The following PRPSAP2 variants were observed in gnomAD, a reference collection of about 807,000 sequenced individuals.
The protein encoded by PRPSAP2 is phosphoribosyl pyrophosphate synthetase associated protein 2.
A neutral mutation model predicts 40.6 loss-of-function variants in PRPSAP2; 24 were observed. The ratio of observed to expected loss-of-function variants is 0.59; its 90% CI spans 0.43 to 0.83. The LOEUF is 0.83. PRPSAP2 is among the 40% of genes least tolerant of loss of function. The probability of loss-of-function intolerance (pLI) is 0.00; values close to 1 mark genes in which losing one functional copy is unlikely to be tolerated. For missense variants in PRPSAP2, 292 were observed against 465.6 expected, an observed-to-expected ratio of 0.63 and a Z score of 3.43; for synonymous variants, 149 against 164.7, an observed-to-expected ratio of 0.90 and a Z score of 0.73.
At chr17:18,886,682 C>T (rs566654356) in intron 7 of PRPSAP2, among the ~76,000 whole-genome samples, 4 of 152,072 alleles carry the variant, frequency 2.6e-5, no homozygotes, top group Admixed American at 1.3e-4. Context: ...CTTCTGAGGG[C>T]GTCTGACAGT....
rs978952613 is a variant in PRPSAP2 at position 18,908,769 on chromosome 17, T to C, written c.585-2334T>C. On this transcript the variant is annotated intron_variant, in intron 8 of 11. Transcript: ENST00000268835. ...AAGAGATCGGAGAGAAAAGAAAGGATCGGGCAAAAACGATCATGCCAAAAA... is the reference window on the plus strand; with the variant it reads ...AAGAGATCGGAGAGAAAAGAAAGGACCGGGCAAAAACGATCATGCCAAAAA... 3.4e-5 allele frequency: 24 copies of C among 715,504 alleles called. No individual in the cohort carries two copies. In the Admixed American group the frequency reaches 5.1e-4, roughly 15 times the overall value. The allele number at this position is 715,504 out of a possible 1,614,324, so 44.3% of individuals were successfully genotyped here.
intron 7 of PRPSAP2, among the ~76,000 whole-genome samples, chr17:18,887,574 A>G (rs1262452256): frequency 1.3e-5 from 2 of 151,726 alleles, no homozygotes; most frequent in Non-Finnish European, 2.9e-5. Context: ...CATCCCTTCT[A>G]TTTCTTTTAT....
Position 18,889,802 on chromosome 17 carries a change from T to A in PRPSAP2, c.529-20T>A. 1 of 1,600,478 alleles carries A rather than the reference T, an allele frequency of 6.2e-7. No individual in the cohort carries two copies. The highest frequency in any genetic ancestry group is 8.5e-7 in the Non-Finnish European group (1 of 1,172,432). ...CTTTTTGTTGACATGCAGTAATACC[T>A]GACTTCTTGTCTGTCACAGATCCCA... On this transcript the variant is annotated intron_variant, in intron 7 of 11. Transcript: ENST00000268835.
intron 8 of PRPSAP2, among the ~76,000 whole-genome samples, chr17:18,903,563 A>G (rs975402884): frequency 2.6e-5 from 4 of 151,994 alleles, no homozygotes; most frequent in Non-Finnish European, 4.4e-5. Context: ...TTGAAACCCC[A>G]TCTCTACCAA....
chr17:18,879,740 C>T (rs2038588861), intron 6 of PRPSAP2, among the ~76,000 whole-genome samples: 1 of 151,812 alleles, frequency 6.6e-6, no homozygotes, highest in African/African-American at 2.4e-5. Flanking sequence ...AGGCGTGAGC[C>T]ACCACGCCCA....
At chr17:18,918,752 A>G (rs1411360364) in intron 9 of PRPSAP2, among the ~76,000 whole-genome samples, 1 of 152,102 alleles carries the variant, frequency 6.6e-6, no homozygotes, top group Admixed American at 6.6e-5. Context: ...CACTGGCTAC[A>G]TGTGGCTCCT....
Position 18,903,308 on chromosome 17 carries a change from A to G in PRPSAP2, c.585-7795A>G, listed in dbSNP as rs529131920. Among the ~76,000 whole-genome samples the G allele has an allele frequency of 4.6e-5, 7 of 151,650 alleles. No individual in the cohort carries two copies. The East Asian group carries it at 1.4e-3, about 29-fold the overall frequency. On this transcript the variant is annotated intron_variant, in intron 8 of 11. Coordinates refer to ENST00000268835, the MANE Select transcript of PRPSAP2 (RefSeq NM_002767.4). The stretch of plus-strand genomic sequence containing the variant: ...GCCTAGGCAACAAGAGCAAAACTCC[A>G]TCAAATAAATAAATGAATGAATGAA...
chr17:18,876,395 T>G (rs1311793856), intron 5 of PRPSAP2, among the ~76,000 whole-genome samples: 2 of 152,232 alleles, frequency 1.3e-5, no homozygotes, highest in Admixed American at 1.3e-4. Flanking sequence ...ATTAACAGGG[T>G]GAAAGTCTCT....
At chr17:18,902,388 G>A (rs978389533) in intron 8 of PRPSAP2, among the ~76,000 whole-genome samples, 2 of 152,156 alleles carry the variant, frequency 1.3e-5, no homozygotes, top group East Asian at 3.8e-4. Flanking sequence ...TCTATGTTAT[G>A]TTATTTGATC....
intron 10 of PRPSAP2, 72 bp downstream of exon 10, chr17:18,924,056 T>C: frequency 7.3e-7 from 1 of 1,375,016 alleles, no homozygotes; most frequent in Non-Finnish European, 1.0e-6. Context: ...GATTGATTGA[T>C]TTTATTACAG....
chr17:18,878,661 G>A lies in PRPSAP2; in HGVS notation c.412+791G>A, dbSNP rs901560488. Among the ~76,000 whole-genome samples, 6 of 151,882 alleles carry A rather than the reference G, an allele frequency of 4.0e-5. No homozygotes were observed. The South Asian group carries it at 8.3e-4, about 21-fold the overall frequency. ...CAACCTCCACCTCCCCGGTTCAAGC[G>A]ATTCTCCTGCCTCAGCCTCCCAAGT... On this transcript the variant is annotated intron_variant, in intron 6 of 11. Coordinates refer to ENST00000268835, the MANE Select transcript of PRPSAP2 (RefSeq NM_002767.4).
chr17:18,874,111 G>A (rs2038099505), intron 5 of PRPSAP2, among the ~76,000 whole-genome samples: 1 of 151,878 alleles, frequency 6.6e-6, no homozygotes, highest in Non-Finnish European at 1.5e-5. Flanking sequence ...TCACTGTATT[G>A]CCCAGCTGGT....
rs2036728527 is a variant in PRPSAP2 at position 18,858,168 on chromosome 17, C to T, written c.-222C>T. 6.6e-6 allele frequency: 1 copy of T among 152,290 alleles called. No individual in the cohort carries two copies. The highest frequency in any genetic ancestry group is 6.5e-5 in the Admixed American group (1 of 15,282). 9.4% of individuals were successfully genotyped at this position (152,290 alleles called of 1,614,324 possible). A position where few individuals can be genotyped will look rare whatever the true frequency, so the allele number is the denominator to read the frequency against. ...GACGCCAATCTTGTGCATGGAGTCG[C>T]CATTTTGCTCCTAGAGAGGCCGCCA... On this transcript the variant is annotated 5_prime_UTR_variant, in exon 1 of 12. Transcript: ENST00000268835.
At chr17:18,885,327 T>C (rs1242459217) in intron 7 of PRPSAP2, among the ~76,000 whole-genome samples, 2 of 135,826 alleles carry the variant, frequency 1.5e-5, no homozygotes, top group Non-Finnish European at 3.0e-5. Flanking sequence ...TGCTTGAGCC[T>C]GGGAGGTTGA....
At chr17:18,873,581 G>A (rs937755095) in intron 5 of PRPSAP2, among the ~76,000 whole-genome samples, 1 of 152,174 alleles carries the variant, frequency 6.6e-6, no homozygotes, top group Non-Finnish European at 1.5e-5. Flanking sequence ...TGTAAAACTT[G>A]CAAGGAAGCA....
intron 6 of PRPSAP2, among the ~76,000 whole-genome samples, chr17:18,879,058 T>C (rs1053210429): frequency 4.0e-5 from 6 of 151,636 alleles, no homozygotes; most frequent in African/African-American, 1.5e-4. Context: ...TTAGTAGAGA[T>C]GGGGTTTTGC....
In PRPSAP2 at chr17:18,868,745, C is replaced by T. The variant is rs774308662; in HGVS notation, c.172+1411C>T. ...AACATTTTTTTTTTTTTTGGTAGAA[C>T]AAGGGTCTCATTATGTTGCCCAGGC... On this transcript the variant is annotated intron_variant, in intron 4 of 11. Coordinates refer to ENST00000268835, the MANE Select transcript of PRPSAP2 (RefSeq NM_002767.4). Among the ~76,000 whole-genome samples, 98 of 136,830 alleles carry T rather than the reference C, an allele frequency of 7.2e-4. 1 individual carries two copies. Among genetic ancestry groups the T allele is most frequent in the Non-Finnish European group, 1.4e-3 (89 of 64,572 alleles). 89.8% of individuals were successfully genotyped at this position (136,830 alleles called of 152,430 possible).
intron 8 of PRPSAP2, among the ~76,000 whole-genome samples, chr17:18,902,564 G>A (rs1286470487): frequency 6.6e-6 from 1 of 152,032 alleles, no homozygotes; most frequent in Admixed American, 6.6e-5. Context: ...GGGGACTTGA[G>A]TGTTGGCCAA....
intron 9 of PRPSAP2, chr17:18,917,358 G>A (rs1016933639): frequency 6.6e-6 from 1 of 151,056 alleles, no homozygotes; most frequent in African/African-American, 2.4e-5. Flanking sequence ...AGGGGAACAG[G>A]AGGGGCAGAA....
Sources: gnomAD v4.1 joint callset for allele counts (sites outside exome capture counted in the v4.1 genomes callset) on GRCh38, gnomAD v4.1.1 for gene constraint, MANE v1.5 for transcripts, NCBI Gene and HGNC (gene_info 2026-07-23, HGNC 2026-07-21) for gene names.